The following HDX variants were observed in gnomAD, a reference collection of about 807,000 sequenced individuals.
HDX encodes the protein chromosome X open reading frame 43.
HDX carries 19 observed loss-of-function variants against 45.2 expected under a neutral mutation model. That is an observed-to-expected ratio of 0.42 (90% confidence interval 0.29 to 0.62). The LOEUF (loss-of-function observed/expected upper bound fraction) is 0.62, where lower values mean the gene tolerates loss of function less well. Among genes scored for constraint, HDX ranks in the 20% least tolerant of loss-of-function variants. The pLI, the probability that HDX is intolerant of heterozygous loss-of-function variation, is 0.20. For missense variants in HDX, 532 were observed against 493.9 expected, an observed-to-expected ratio of 1.08 and a Z score of -0.73; for synonymous variants, 188 against 172.8, an observed-to-expected ratio of 1.09 and a Z score of -0.69.
chrX:84,457,893 A>T (rs956032026), intron 4 of HDX, among the ~76,000 whole-genome samples: 1 of 112,114 alleles, frequency 8.9e-6, no homozygotes, highest in Admixed American at 9.4e-5. Context: ...ATAAGAAAAA[A>T]TTCTAGCTTC....
intron 5 of HDX, among the ~76,000 whole-genome samples, chrX:84,399,237 T>C (rs1311950731): frequency 9.4e-6 from 1 of 106,376 alleles, no homozygotes; most frequent in Non-Finnish European, 1.9e-5. Context: ...CTGAAGGAGA[T>C]AGAGACACAA....
intron 5 of HDX, among the ~76,000 whole-genome samples, chrX:84,438,756 G>C (rs757555032): frequency 1.8e-5 from 2 of 111,345 alleles, no homozygotes; most frequent in South Asian, 7.6e-4. Flanking sequence ...AGTATTTCAT[G>C]GTGTATATGT....
At chrX:84,357,391 A>T (rs749824602) in intron 6 of HDX, among the ~76,000 whole-genome samples, 1 of 112,033 alleles carries the variant, frequency 8.9e-6, no homozygotes, top group African/African-American at 3.2e-5. Context: ...AAACATATGA[A>T]TATCAAAAGC....
At chrX:84,475,148 T>C (rs1459517159) in intron 3 of HDX, 103 bp downstream of exon 3, 1 of 632,780 alleles carries the variant, frequency 1.6e-6, no homozygotes, top group Non-Finnish European at 2.5e-6. Flanking sequence ...TGAAGCTGTT[T>C]ATAAAATTAG....
chrX:84,365,205 C>T, intron 5 of HDX, among the ~76,000 whole-genome samples: 1 of 110,785 alleles, frequency 9.0e-6, no homozygotes, highest in Admixed American at 9.7e-5. Flanking sequence ...GCTCCATCAT[C>T]TGGGCACTCC....
At chrX:84,493,447 T>A (rs1414924120) in intron 1 of HDX, among the ~76,000 whole-genome samples, 1 of 112,144 alleles carries the variant, frequency 8.9e-6, no homozygotes, top group Non-Finnish European at 1.9e-5. Context: ...TAATTAATAT[T>A]CAGTTTTGCC....
chrX:84,335,858 T>C (rs181904970), intron 8 of HDX, among the ~76,000 whole-genome samples: 1 of 110,749 alleles, frequency 9.0e-6, no homozygotes, highest in African/African-American at 3.3e-5. Flanking sequence ...CTGTTATATA[T>C]TACTGTTATT....
intron 5 of HDX, among the ~76,000 whole-genome samples, chrX:84,432,986 A>T (rs1438291652): frequency 2.7e-5 from 3 of 110,976 alleles, no homozygotes; most frequent in African/African-American, 9.8e-5. Flanking sequence ...CTTCTTTGAG[A>T]AATATCTTTT....
intron 2 of HDX, among the ~76,000 whole-genome samples, chrX:84,480,185 T>A (rs747587188): frequency 2.2e-4 from 25 of 111,869 alleles, no homozygotes; most frequent in Non-Finnish European, 3.8e-4. Context: ...ATACAATTGA[T>A]CTTGGTACAT....
At chrX:84,323,866 C>T (rs746097172) in intron 10 of HDX, among the ~76,000 whole-genome samples, 127 of 112,206 alleles carry the variant, frequency 1.1e-3, no homozygotes, top group African/African-American at 4.0e-3. Flanking sequence ...TCATTTTTCC[C>T]AAGAGATTAA....
intron 5 of HDX, among the ~76,000 whole-genome samples, chrX:84,431,928 T>C (rs767763616): frequency 5.4e-5 from 6 of 111,590 alleles, no homozygotes; most frequent in African/African-American, 1.9e-4. Context: ...ATGTACAGAA[T>C]ATTTCCTATG....
intron 5 of HDX, among the ~76,000 whole-genome samples, chrX:84,424,596 C>G (rs986133994): frequency 9.0e-6 from 1 of 111,404 alleles, no homozygotes; most frequent in African/African-American, 3.3e-5. Flanking sequence ...GAGCATGTTA[C>G]TGGCATAAGA....
At chrX:84,335,679 G>A (rs969111619) in intron 8 of HDX, among the ~76,000 whole-genome samples, 4 of 110,823 alleles carry the variant, frequency 3.6e-5, no homozygotes, top group Non-Finnish European at 5.7e-5. Flanking sequence ...CATAACCATC[G>A]AAAACAATTA....
intron 5 of HDX, among the ~76,000 whole-genome samples, chrX:84,419,227 G>T (rs1171944264): frequency 1.8e-5 from 2 of 110,587 alleles, no homozygotes; most frequent in African/African-American, 6.6e-5. Context: ...CATCAGGCGG[G>T]TTCTTGGGGT....
Position 84,318,968 on chromosome X carries a change from T to C in HDX, c.*2921A>G, listed in dbSNP as rs1019463642. ...ATTGCAATTCTCATTTTCTTGTGAATAAGTTTAGCTTGGCTGAAAAGAAGA... is the reference window on the plus strand; with the variant it reads ...ATTGCAATTCTCATTTTCTTGTGAACAAGTTTAGCTTGGCTGAAAAGAAGA... On this transcript the variant is annotated 3_prime_UTR_variant, in exon 11 of 11. Coordinates refer to ENST00000373177, the MANE Select transcript of HDX (RefSeq NM_001177479.2). The C allele has an allele frequency of 9.0e-6, 1 of 111,127 alleles. No homozygotes were observed. Among genetic ancestry groups the C allele is most frequent in the African/African-American group, 3.2e-5 (1 of 30,785 alleles). The allele number at this position is 111,127 out of a possible 1,213,427, so 9.2% of individuals were successfully genotyped here. A position where few individuals can be genotyped will look rare whatever the true frequency, so the allele number is the denominator to read the frequency against.
intron 10 of HDX, among the ~76,000 whole-genome samples, chrX:84,323,421 G>A (rs1293032773): frequency 9.0e-6 from 1 of 110,873 alleles, no homozygotes; most frequent in African/African-American, 3.3e-5. Context: ...AACTCGCTTT[G>A]CAATTCTGAA....
chrX:84,452,816 AC>A (rs904099546), intron 4 of HDX, among the ~76,000 whole-genome samples: 3 of 112,075 alleles, frequency 2.7e-5, no homozygotes, highest in African/African-American at 9.7e-5. Context: ...CAATATGCAA[AC>A]ATCAACTCAA....
In HDX at chrX:84,320,934, A is replaced by G. The variant is rs1032534493; in HGVS notation, c.*955T>C. 1 of 110,937 alleles carries G rather than the reference A, an allele frequency of 9.0e-6. No homozygotes were observed. Among genetic ancestry groups the G allele is most frequent in the Non-Finnish European group, 1.9e-5 (1 of 52,425 alleles). The allele number at this position is 110,937 out of a possible 1,213,427, so 9.1% of individuals were successfully genotyped here. A position where few individuals can be genotyped will look rare whatever the true frequency, so the allele number is the denominator to read the frequency against. ...TACTATCCTTGGCTGATGGCTCTGT[A>G]CAGGCCTCATATGGAAATGAGGTAA... On this transcript the variant is annotated 3_prime_UTR_variant, in exon 11 of 11. Coordinates refer to ENST00000373177, the MANE Select transcript of HDX (RefSeq NM_001177479.2).
chrX:84,383,221 C>G (rs1322910913), intron 5 of HDX, among the ~76,000 whole-genome samples: 13 of 110,780 alleles, frequency 1.2e-4, no homozygotes, highest in Non-Finnish European at 1.7e-4. Flanking sequence ...TTAGAATCAA[C>G]AAGAATATTT....
Sources: allele counts gnomAD v4.1 joint callset (sites outside exome capture counted in the v4.1 genomes callset), GRCh38; gene constraint gnomAD v4.1.1; transcripts MANE v1.5; gene names NCBI Gene and HGNC (gene_info 2026-07-23, HGNC 2026-07-21).